Variants in CRHR1 observed in about 807,000 individuals in gnomAD.
CRHR1 encodes the protein corticotropin releasing hormone receptor 1.
In CRHR1, 28 loss-of-function variants were observed where a neutral mutation model predicts 56.0. The ratio of observed to expected loss-of-function variants is 0.50; its 90% CI spans 0.37 to 0.69. The LOEUF is 0.69. Among genes scored for constraint, CRHR1 ranks in the 30% least tolerant of loss-of-function variants. The pLI is 0.00. For synonymous variants in CRHR1, 195 were observed against 216.5 expected (o/e 0.90, Z 0.87); for missense variants, 376 against 548.0 (o/e 0.69, Z 3.13).
In CRHR1 at chr17:45,816,559, A is replaced by G. The variant is rs1408875917; in HGVS notation, c.218A>G (p.Tyr73Cys). The G allele has an allele frequency of 3.1e-6, 5 of 1,613,820 alleles. No homozygotes were observed. The highest frequency in any genetic ancestry group is 4.2e-6 in the Non-Finnish European group (5 of 1,179,928). The change falls in exon 3 of 13, where the codon TAT becomes TGT. Residue 73 changes from tyrosine to cysteine, a missense_variant. Tyr to Cys is a radical substitution (Grantham distance 194). Around this residue, in one of 2 missense-constraint regions of CRHR1, gnomAD observed 369 missense variants for 519.5 expected, o/e 0.71. Transcript: ENST00000314537. ...GTTCGGCCCTGCCCTGCCTTTTTCT[A>G]TGGTGTCCGCTACAATACCACAAGT... ...LVVRPCPAFF[Y>C]GVRYNTTNNG...
chr17:45,813,040 G>A (rs561359484), intron 2 of CRHR1, among the ~76,000 whole-genome samples: 22 of 152,298 alleles, frequency 1.4e-4, no homozygotes, highest in African/African-American at 4.3e-4. Flanking sequence ...TCCGCAGGAC[G>A]CAGGATGGCG....
chr17:45,823,636 G>A (rs747731577), intron 4 of CRHR1, among the ~76,000 whole-genome samples: 1 of 152,140 alleles, frequency 6.6e-6, no homozygotes, highest in Non-Finnish European at 1.5e-5. Context: ...CCCAGGCTCC[G>A]GAGCACAGGC....
intron 1 of CRHR1, among the ~76,000 whole-genome samples, chr17:45,792,233 G>A (rs117056336): frequency 1.3e-3 from 203 of 152,308 alleles, no homozygotes; most frequent in Non-Finnish European, 2.1e-3. Context: ...TGGTCCTTGC[G>A]TCCTGGGCTT....
chr17:45,789,574 T>C (rs993793495), intron 1 of CRHR1, among the ~76,000 whole-genome samples: 1 of 152,066 alleles, frequency 6.6e-6, no homozygotes, highest in African/African-American at 2.4e-5. Context: ...CTTGCCGTAT[T>C]GCCCAGGCTG....
chr17:45,789,351 C>T (rs1382758455), intron 1 of CRHR1, among the ~76,000 whole-genome samples: 1 of 151,992 alleles, frequency 6.6e-6, no homozygotes, highest in Non-Finnish European at 1.5e-5. Flanking sequence ...AGGGAGGTCC[C>T]TGTCAGCAGA....
chr17:45,834,148 C>T, intron 12 of CRHR1, 100 bp downstream of exon 12: 1 of 1,447,604 alleles, frequency 6.9e-7, no homozygotes. Flanking sequence ...GGCTGCCTCT[C>T]TCCCTCCCTG....
At position 45,808,212 on chromosome 17, in the gene CRHR1, A is replaced by G. The variant is rs999012447; in HGVS notation, c.121+1115A>G. Among the ~76,000 whole-genome samples, 4 of 152,214 alleles carry G rather than the reference A, an allele frequency of 2.6e-5. No individual in the cohort carries two copies. The East Asian group carries it at 7.7e-4, about 29-fold the overall frequency. Reference sequence around the variant, plus strand: ...TGCGATGAGGCAGAGTGGAAGACGCATGCTTGCAAAGAAACAGACGCAAGT... The same window carrying G: ...TGCGATGAGGCAGAGTGGAAGACGCGTGCTTGCAAAGAAACAGACGCAAGT... On this transcript the variant is annotated intron_variant, in intron 2 of 12. Transcript: ENST00000314537.
chr17:45,798,242 C>T (rs1194948161), intron 1 of CRHR1, among the ~76,000 whole-genome samples: 1 of 152,122 alleles, frequency 6.6e-6, no homozygotes, highest in East Asian at 1.9e-4. Flanking sequence ...TAGCCAAACA[C>T]GGGCTGGGCA....
At position 45,834,912 on chromosome 17, in the gene CRHR1, C is replaced by T. The variant is rs2062406063; in HGVS notation, c.*148C>T. 1 of 1,091,116 alleles carries T rather than the reference C, an allele frequency of 9.2e-7. No individual in the cohort carries two copies. The highest frequency in any genetic ancestry group is 1.3e-6 in the Non-Finnish European group (1 of 764,418). 67.6% of individuals were successfully genotyped at this position (1,091,116 alleles called of 1,614,324 possible). A position where few individuals can be genotyped will look rare whatever the true frequency, so the allele number is the denominator to read the frequency against. On this transcript the variant is annotated 3_prime_UTR_variant, in exon 13 of 13. Coordinates refer to ENST00000314537, the MANE Select transcript of CRHR1 (RefSeq NM_004382.5). ...TGGCACTGACAGCCTGGGGGGGCCG[C>T]TCTCCCCCTGCAGCCGTGCAGGACT...
intron 1 of CRHR1, among the ~76,000 whole-genome samples, chr17:45,801,595 G>A (rs1189302799): frequency 6.6e-6 from 1 of 152,228 alleles, no homozygotes; most frequent in Non-Finnish European, 1.5e-5. Context: ...GCCAGGCTGT[G>A]CACGGAAGTG....
intron 1 of CRHR1, among the ~76,000 whole-genome samples, chr17:45,796,488 G>A (rs2061520286): frequency 6.6e-6 from 1 of 152,272 alleles, no homozygotes; most frequent in East Asian, 1.9e-4. Flanking sequence ...GAGGATCCAG[G>A]CTTGTGATGA....
At chr17:45,791,852 T>TCACACACACACACACA (rs59855327) in intron 1 of CRHR1, among the ~76,000 whole-genome samples, 211 of 121,084 alleles carry the variant, frequency 1.7e-3, no homozygotes, top group African/African-American at 6.8e-3. Context: ...TCTCTCTCTC[T>TCACACACACACACACA]CACACACACA....
intron 1 of CRHR1, among the ~76,000 whole-genome samples, chr17:45,795,622 T>G (rs571455996): frequency 1.3e-5 from 2 of 152,308 alleles, no homozygotes; most frequent in South Asian, 4.1e-4. Context: ...GGCTGAGTTA[T>G]CCTCACTTCT....
chr17:45,825,613 C>A (rs1171160283), intron 4 of CRHR1: 2 of 154,496 alleles, frequency 1.3e-5, no homozygotes, highest in East Asian at 3.8e-4. Flanking sequence ...GTGGTTGGAC[C>A]AGGGCTTCTG....
At chr17:45,791,848 TCTCTCACACACACA>T (rs1041462629) in intron 1 of CRHR1, among the ~76,000 whole-genome samples, 31 of 123,326 alleles carry the variant, frequency 2.5e-4, no homozygotes, top group Admixed American at 6.1e-4. Flanking sequence ...TCTCTCTCTC[TCTCTCACACACACA>T]CACACACACA....
At chr17:45,804,540 G>T (rs576712131) in intron 1 of CRHR1, among the ~76,000 whole-genome samples, 2 of 152,098 alleles carry the variant, frequency 1.3e-5, no homozygotes, top group Non-Finnish European at 2.9e-5. Context: ...AAAGGGGGTG[G>T]CCCTGGTGGG....
chr17:45,832,592 T>C (rs561343654), intron 8 of CRHR1, among the ~76,000 whole-genome samples: 20 of 152,314 alleles, frequency 1.3e-4, no homozygotes, highest in Non-Finnish European at 2.8e-4. Context: ...TCCCCAGGCC[T>C]CCCTGGAGCT....
At chr17:45,832,241 A>G (rs966166499) in intron 8 of CRHR1, among the ~76,000 whole-genome samples, 4 of 152,146 alleles carry the variant, frequency 2.6e-5, no homozygotes, top group African/African-American at 9.7e-5. Flanking sequence ...GTCTCAAAAA[A>G]CAAAGCAAAA....
At chr17:45,800,723 C>T (rs549796849) in intron 1 of CRHR1, 49 of 152,432 alleles carry the variant, frequency 3.2e-4, no homozygotes, top group African/African-American at 1.2e-3. Flanking sequence ...GTGGCTCTGC[C>T]GAAGGCCAGT....
Sources: allele counts gnomAD v4.1 joint callset (sites outside exome capture counted in the v4.1 genomes callset), GRCh38; gene constraint gnomAD v4.1.1; regional missense constraint gnomAD v4.1.1; transcripts MANE v1.5; gene names NCBI Gene and HGNC (gene_info 2026-07-23, HGNC 2026-07-21).